Variants in TANC2 observed in about 807,000 individuals in gnomAD.
TANC2 encodes protein TANC2.
In TANC2, 26 loss-of-function variants were observed where a neutral mutation model predicts 210.5. The ratio of observed to expected loss-of-function variants is 0.12; its 90% CI spans 0.09 to 0.17. The LOEUF (loss-of-function observed/expected upper bound fraction) is 0.17. Among genes scored for constraint, TANC2 ranks in the 10% least tolerant of loss-of-function variants. The pLI is 1.00. For synonymous variants in TANC2, 931 were observed against 967.1 expected, an observed-to-expected ratio of 0.96 and a Z score of 0.69; for missense variants, 2,129 against 2,608.9, an observed-to-expected ratio of 0.82 and a Z score of 4.01.
chr17:63,126,705 G>T (rs537201365), intron 4 of TANC2, among the ~76,000 whole-genome samples: 1 of 152,026 alleles, frequency 6.6e-6, no homozygotes, highest in Admixed American at 6.6e-5. Flanking sequence ...CACCATGCCC[G>T]ACTCACTAAG....
intron 5 of TANC2, among the ~76,000 whole-genome samples, chr17:63,173,475 A>G (rs888676716): frequency 3.9e-5 from 6 of 152,340 alleles, no homozygotes; most frequent in African/African-American, 1.4e-4. Context: ...CTTAAGACCA[A>G]CTGGAGAAAG....
intron 1 of TANC2, among the ~76,000 whole-genome samples, chr17:62,999,001 CA>C (rs1318673143): frequency 6.6e-6 from 1 of 152,184 alleles, no homozygotes; most frequent in East Asian, 1.9e-4. Context: ...TAATTTCAGA[CA>C]AAGCAGACTG....
chr17:63,073,446 T>C (rs1467053517), intron 2 of TANC2, among the ~76,000 whole-genome samples: 2 of 152,108 alleles, frequency 1.3e-5, no homozygotes, highest in African/African-American at 4.8e-5. Flanking sequence ...AACTCAAGAT[T>C]TATTTGGTTT....
chr17:63,139,092 T>A (rs1379962632), intron 4 of TANC2, among the ~76,000 whole-genome samples: 1 of 152,246 alleles, frequency 6.6e-6, no homozygotes, highest in East Asian at 1.9e-4. Context: ...ATCAAATGAC[T>A]AGATTGCTCA....
chr17:63,324,418 A>G (rs539871244), intron 11 of TANC2, among the ~76,000 whole-genome samples: 10 of 152,336 alleles, frequency 6.6e-5, no homozygotes, highest in African/African-American at 2.4e-4. Flanking sequence ...AGAAGTAGTC[A>G]TTTCAGTAAT....
chr17:63,387,710 T>C (rs2047830080), intron 15 of TANC2, among the ~76,000 whole-genome samples: 1 of 152,104 alleles, frequency 6.6e-6, no homozygotes, highest in African/African-American at 2.4e-5. Flanking sequence ...TGTCAGAGAG[T>C]GTCTAACAAT....
intron 3 of TANC2, among the ~76,000 whole-genome samples, chr17:63,086,436 T>C (rs931262519): frequency 6.6e-6 from 1 of 152,188 alleles, no homozygotes. Flanking sequence ...TGACATATCC[T>C]GAAGCTCAGA....
intron 9 of TANC2, among the ~76,000 whole-genome samples, chr17:63,308,342 T>C: frequency 6.6e-6 from 1 of 152,318 alleles, no homozygotes; most frequent in East Asian, 1.9e-4. Context: ...GCTGTTTCAT[T>C]GGTGTCTCCC....
At chr17:63,151,565 T>G (rs2039654195) in intron 5 of TANC2, 185 bp downstream of exon 5, 1 of 154,754 alleles carries the variant, frequency 6.5e-6, no homozygotes. Context: ...GATACAATAA[T>G]GAGAGTAAGT....
chr17:63,194,762 TACTC>T (rs1329105959), intron 6 of TANC2, among the ~76,000 whole-genome samples: 2 of 152,160 alleles, frequency 1.3e-5, no homozygotes, highest in Non-Finnish European at 2.9e-5. Context: ...AGAAGTGTAT[TACTC>T]AATATCTAAA....
At chr17:63,011,734 A>G (rs927013205) in intron 2 of TANC2, among the ~76,000 whole-genome samples, 1 of 152,144 alleles carries the variant, frequency 6.6e-6, no homozygotes, top group African/African-American at 2.4e-5. Context: ...ATATTAATAT[A>G]AGGACTCCAG....
chr17:63,213,006 C>G (rs2041929653), intron 7 of TANC2, among the ~76,000 whole-genome samples: 1 of 152,132 alleles, frequency 6.6e-6, no homozygotes, highest in African/African-American at 2.4e-5. Context: ...TATTGTCACC[C>G]TTGATATAAT....
At chr17:63,307,835 A>G (rs1442721126) in intron 9 of TANC2, among the ~76,000 whole-genome samples, 2 of 152,084 alleles carry the variant, frequency 1.3e-5, no homozygotes, top group African/African-American at 4.8e-5. Context: ...GCGCGATCTC[A>G]GCTCACTGCA....
At chr17:63,359,253 T>A (rs545591002) in intron 14 of TANC2, among the ~76,000 whole-genome samples, 143 of 152,118 alleles carry the variant, frequency 9.4e-4, no homozygotes, top group African/African-American at 3.4e-3. Flanking sequence ...AGAAAGAGTC[T>A]TACTGTGTTC....
chr17:63,206,981 C>A (rs1256597363), intron 7 of TANC2, among the ~76,000 whole-genome samples: 1 of 151,978 alleles, frequency 6.6e-6, no homozygotes, highest in Non-Finnish European at 1.5e-5. Context: ...ACCTCTCTTA[C>A]CCTATAACAA....
At chr17:63,234,619 A>G (rs1468636148) in intron 7 of TANC2, among the ~76,000 whole-genome samples, 2 of 151,302 alleles carry the variant, frequency 1.3e-5, no homozygotes, top group African/African-American at 4.9e-5. Flanking sequence ...TGTGGGCATT[A>G]CAGAGCTGGG....
chr17:63,416,248 TC>T (rs1252210480), intron 26 of TANC2, among the ~76,000 whole-genome samples: 2 of 152,150 alleles, frequency 1.3e-5, no homozygotes, highest in African/African-American at 2.4e-5. Context: ...CCACGGTCCT[TC>T]CTGCCTACCT....
At chr17:63,280,369 C>A (rs925028955) in intron 9 of TANC2, among the ~76,000 whole-genome samples, 2 of 151,784 alleles carry the variant, frequency 1.3e-5, no homozygotes, top group Non-Finnish European at 2.9e-5. Flanking sequence ...AAAGTAAAAC[C>A]TAGTTTTTTT....
At chr17:63,021,249 T>C (rs1486777677) in intron 2 of TANC2, among the ~76,000 whole-genome samples, 3 of 152,202 alleles carry the variant, frequency 2.0e-5, no homozygotes, top group East Asian at 1.9e-4. Context: ...TAGAAAAATA[T>C]ATTTTTTCTT....
Sources: allele counts gnomAD v4.1 joint callset (sites outside exome capture counted in the v4.1 genomes callset), GRCh38; gene constraint gnomAD v4.1.1; transcripts MANE v1.5; gene names NCBI Gene and HGNC (gene_info 2026-07-23, HGNC 2026-07-21).